The following MYH11 variants were observed in gnomAD, a reference collection of about 807,000 sequenced individuals.
MYH11 encodes myosin heavy chain 11, also known as myosin-11.
In MYH11, 80 loss-of-function variants were observed where a neutral mutation model predicts 246.6. The observed-to-expected ratio is 0.32, with a 90% CI of 0.27 to 0.39. The LOEUF (loss-of-function observed/expected upper bound fraction) is 0.39, where lower values mean the gene tolerates loss of function less well. MYH11 is among the 10% of genes least tolerant of loss of function. The probability of loss-of-function intolerance (pLI) is 1.00; values close to 1 mark genes in which losing one functional copy is unlikely to be tolerated. For missense variants in MYH11, 2,158 were observed against 2,546.8 expected (o/e 0.85, Z 3.29); for synonymous variants, 1,071 against 1,015.5 (o/e 1.05, Z -1.04).
intron 6 of MYH11, among the ~76,000 whole-genome samples, chr16:15,779,983 T>C (rs1012912970): frequency 2.6e-5 from 4 of 152,196 alleles, no homozygotes; most frequent in African/African-American, 9.6e-5. Flanking sequence ...TTGGGAAACA[T>C]GCAGTAGAGT....
intron 24 of MYH11, 51 bp downstream of exon 24, chr16:15,738,514 A>C: frequency 2.7e-6 from 4 of 1,491,534 alleles, no homozygotes; most frequent in Non-Finnish European, 3.6e-6. Context: ...CCTCATCTCT[A>C]AAAAAAATAA....
At position 15,750,202 on chromosome 16, in the gene MYH11, A is replaced by C; in HGVS notation, c.1994T>G (p.Met665Arg). The C allele has an allele frequency of 6.2e-7, 1 of 1,614,228 alleles. No individual in the cohort carries two copies. Among genetic ancestry groups the C allele is most frequent in the Non-Finnish European group, 8.5e-7 (1 of 1,180,040 alleles). ...QLYKEQLGKL[M>R]TTLRNTTPNF... is the part of the protein sequence containing the mutation. Reference sequence around the variant, plus strand: ...GGGCGTGGTGTTGCGTAGCGTGGTCATCAGCTTGCCCAGCTGCTCCTTGTA... The same window carrying C: ...GGGCGTGGTGTTGCGTAGCGTGGTCCTCAGCTTGCCCAGCTGCTCCTTGTA... Residue 665 changes from methionine (M) to arginine (R), a missense_variant, in exon 16 of 41, where the codon ATG (methionine) becomes AGG (arginine). Coordinates refer to ENST00000300036, the MANE Select transcript of MYH11 (RefSeq NM_002474.3). This position sits in a 1 kb window ranked among gnomAD's most constrained non-coding sequence, Gnocchi z 4.3.
chr16:15,749,893 T>A, intron 16 of MYH11: 1 of 603,156 alleles, frequency 1.7e-6, no homozygotes, highest in Non-Finnish European at 2.9e-6. Context: ...CTTCCTGGGA[T>A]AATGAATGAA....
chr16:15,742,189 C>T, intron 20 of MYH11: 1 of 505,356 alleles, frequency 2.0e-6, no homozygotes, highest in South Asian at 2.1e-5. Context: ...TAAATCAGAG[C>T]ACCAGAAAAG....
intron 19 of MYH11, among the ~76,000 whole-genome samples, chr16:15,746,848 G>A (rs1290171642): frequency 2.6e-5 from 4 of 152,276 alleles, no homozygotes; most frequent in Non-Finnish European, 5.9e-5. Context: ...AGCACTTTGG[G>A]AGGCCAAGGC....
Position 15,719,291 on chromosome 16 carries a change from C to A in MYH11, c.5100G>T (p.Glu1700Asp). Reference protein sequence around the residue: ...MQLQEDLAAAERARKQADLEK... With the variant: ...MQLQEDLAAADRARKQADLEK... ...CGAGGTCCGCTTGTTTGCGAGCCCTCTCAGCGGCGGCGAGGTCCTAGGTGG... is the reference window on the plus strand; with the variant it reads ...CGAGGTCCGCTTGTTTGCGAGCCCTATCAGCGGCGGCGAGGTCCTAGGTGG... The change falls in exon 36 of 41, where the codon GAG becomes GAT. Residue 1700 changes from glutamate (E) to aspartate (D), a missense_variant. Glu to Asp is a conservative substitution (Grantham distance 45). This residue lies in a region of MYH11 where 1,013 missense variants were observed against 993.5 expected (regional missense o/e 1.02). Coordinates refer to ENST00000300036, the MANE Select transcript of MYH11 (RefSeq NM_002474.3). 6.2e-7 allele frequency: 1 copy of A among 1,612,176 alleles called. No homozygotes were observed.
chr16:15,716,714 A>G (rs894679185), intron 38 of MYH11, among the ~76,000 whole-genome samples: 2 of 152,104 alleles, frequency 1.3e-5, no homozygotes, highest in African/African-American at 4.8e-5. Flanking sequence ...GGGTTTCACC[A>G]TGTTGGCCAG....
chr16:15,704,114 G>A lies in MYH11; in HGVS notation c.5796C>T (p.Asn1932=), dbSNP rs149529195. 5.4e-4 allele frequency: 878 copies of A among 1,614,032 alleles called. 1 individual carries two copies. The African/African-American group carries it at 8.0e-3, about 15-fold the overall frequency. The change falls in exon 41 of 41, where the codon AAC becomes AAT. Residue 1932 remains asparagine (N), a synonymous_variant. Transcript: ENST00000300036. ...TTCTAGAAGGAACGAAAGAGGTCTC[G>A]TTTCCTCGCCTGTGGGTTGTAAGAA... ...NALKSKLRRG[N]ETSFVPSRRS... is the part of the protein sequence containing the mutation.
chr16:15,790,112 C>T (rs571206849), intron 4 of MYH11, among the ~76,000 whole-genome samples: 1 of 152,314 alleles, frequency 6.6e-6, no homozygotes, highest in East Asian at 1.9e-4. Flanking sequence ...CAAGACCAGC[C>T]TGGCCAACAT....
In MYH11 at chr16:15,718,439, C is replaced by G; in HGVS notation, c.5172-1G>C. On this transcript the variant is annotated splice_acceptor_variant, in intron 36 of 40. Coordinates refer to ENST00000300036, the MANE Select transcript of MYH11 (RefSeq NM_002474.3). LOFTEE classifies it high-confidence loss of function. ...GCGCTTCTCGTCCTGGAGTGCGTTC[C>G]TGGGGGAAGGGCGGCCATGGTGGGG... The G allele has an allele frequency of 1.3e-6, 2 of 1,561,302 alleles. No individual in the cohort carries two copies. Among genetic ancestry groups the G allele is most frequent in the Non-Finnish European group, 1.7e-6 (2 of 1,155,652 alleles).
rs149049479 is a variant in MYH11 at position 15,829,944 on chromosome 16, G to A, written c.346-6533C>T. On this transcript the variant is annotated intron_variant, in intron 2 of 40. Transcript: ENST00000300036. ...GAGGTCAAGAGTTCGAGACCAGCCCGGCCAACACAGTGAAACCTCATCTCT... is the reference window on the plus strand; with the variant it reads ...GAGGTCAAGAGTTCGAGACCAGCCCAGCCAACACAGTGAAACCTCATCTCT... Among the ~76,000 whole-genome samples, 791 of 152,208 alleles carry A rather than the reference G, an allele frequency of 5.2e-3. 3 individuals carry two copies. The highest frequency in any genetic ancestry group is 0.016 in the African/African-American group (667 of 41,538).
intron 27 of MYH11, among the ~76,000 whole-genome samples, chr16:15,727,407 G>A (rs2040822603): frequency 6.6e-6 from 1 of 152,018 alleles, no homozygotes; most frequent in African/African-American, 2.4e-5. Context: ...CACCATGTTA[G>A]CCAGGCTGCT....
At chr16:15,805,753 A>G (rs556375347) in intron 3 of MYH11, among the ~76,000 whole-genome samples, 2 of 152,256 alleles carry the variant, frequency 1.3e-5, no homozygotes, top group Non-Finnish European at 2.9e-5. Context: ...CTCTACAAAA[A>G]AAAATGCAAA....
At chr16:15,855,889 AG>A (rs2044454278) in intron 1 of MYH11, among the ~76,000 whole-genome samples, 1 of 152,196 alleles carries the variant, frequency 6.6e-6, no homozygotes, top group Non-Finnish European at 1.5e-5. Context: ...TTAATCTCTC[AG>A]TTCTTCATAC....
chr16:15,724,017 G>A, intron 31 of MYH11, 144 bp downstream of exon 31: 1 of 1,412,188 alleles, frequency 7.1e-7, no homozygotes, highest in Admixed American at 1.8e-5. Flanking sequence ...GGTCGCCCAA[G>A]ACAAGATAAG....
chr16:15,855,242 G>A (rs767368179), intron 1 of MYH11, among the ~76,000 whole-genome samples: 1 of 152,200 alleles, frequency 6.6e-6, no homozygotes, highest in African/African-American at 2.4e-5. Context: ...TCTCGGCATG[G>A]CAGCCCACCT....
chr16:15,856,135 G>A (rs1453987005), intron 1 of MYH11, among the ~76,000 whole-genome samples: 1 of 151,936 alleles, frequency 6.6e-6, no homozygotes, highest in Non-Finnish European at 1.5e-5. Flanking sequence ...CTTACCTAAC[G>A]CACCTGCAGA....
At chr16:15,793,276 TTTC>T (rs1416081244) in intron 4 of MYH11, among the ~76,000 whole-genome samples, 2 of 152,076 alleles carry the variant, frequency 1.3e-5, no homozygotes, top group Non-Finnish European at 2.9e-5. Context: ...GTTTCCTTCC[TTTC>T]TTGTCTTCCT....
chr16:15,721,260 C>A, intron 32 of MYH11, 162 bp downstream of exon 32: 1 of 982,892 alleles, frequency 1.0e-6, no homozygotes, highest in Non-Finnish European at 1.6e-6. Context: ...GACTGCCATT[C>A]TCAGCCCCTC....
Sources: allele counts gnomAD v4.1 joint callset (sites outside exome capture counted in the v4.1 genomes callset), GRCh38; gene constraint gnomAD v4.1.1; regional missense constraint gnomAD v4.1.1; non-coding constraint Gnocchi (gnomAD v3.1); transcripts MANE v1.5; gene names NCBI Gene and HGNC (gene_info 2026-07-23, HGNC 2026-07-21).